EGFR: variants seen among roughly 807,000 people sequenced by gnomAD.
EGFR encodes epidermal growth factor receptor, also known as avian erythroblastic leukemia viral (v-erb-b) oncogene homolog.
A neutral mutation model predicts 143.0 loss-of-function variants in EGFR; 58 were observed. That is an observed-to-expected ratio of 0.41 (90% CI 0.33 to 0.50). The LOEUF (loss-of-function observed/expected upper bound fraction) is 0.50, where lower values mean the gene tolerates loss of function less well. Ranked by LOEUF, EGFR falls within the 20% of genes least tolerant of loss-of-function variation. EGFR has a pLI of 0.39. For missense variants in EGFR, 1,307 were observed against 1,579.0 expected, an observed-to-expected ratio of 0.83 and a Z score of 2.92; for synonymous variants, 613 against 594.4, an observed-to-expected ratio of 1.03 and a Z score of -0.45.
chr7:55,139,059 T>C (rs1203753187), intron 1 of EGFR, among the ~76,000 whole-genome samples: 1 of 152,226 alleles, frequency 6.6e-6, no homozygotes, highest in African/African-American at 2.4e-5. Context: ...GACCTAATTA[T>C]AATACCTCTT....
chr7:55,056,035 C>T (rs1233093600), intron 1 of EGFR, among the ~76,000 whole-genome samples: 1 of 152,032 alleles, frequency 6.6e-6, no homozygotes, highest in Non-Finnish European at 1.5e-5. Flanking sequence ...GTGATTCATT[C>T]GTTCCACAAC....
chr7:55,036,272 G>GT (rs1491495146), intron 1 of EGFR, among the ~76,000 whole-genome samples: 5,164 of 18,392 alleles, frequency 0.28, 433 homozygotes, highest in Middle Eastern at 0.43. Context: ...GTGTGTGTGT[G>GT]GGGGGGGGGG....
chr7:55,061,647 T>TGAGAGAGA (rs760516597), intron 1 of EGFR, among the ~76,000 whole-genome samples: 19 of 99,610 alleles, frequency 1.9e-4, no homozygotes, highest in Non-Finnish European at 3.8e-4. Flanking sequence ...TGTGTGTGTG[T>TGAGAGAGA]GTGAGAGAGA....
At chr7:55,196,168 A>C (rs1204641220) in intron 22 of EGFR, among the ~76,000 whole-genome samples, 7 of 23,086 alleles carry the variant, frequency 3.0e-4, no homozygotes, top group African/African-American at 4.2e-4. Context: ...CCTCACCAGC[A>C]TGTGTTGGGA....
At chr7:55,023,909 A>T (rs2128857621) in intron 1 of EGFR, among the ~76,000 whole-genome samples, 1 of 152,246 alleles carries the variant, frequency 6.6e-6, no homozygotes, top group East Asian at 1.9e-4. Flanking sequence ...TGAATTTTCT[A>T]AGAAAATTCC....
In EGFR at chr7:55,142,322, G is replaced by T. The variant is rs2128926187; in HGVS notation, c.125G>T (p.Gly42Val). ...ACGAGTAACAAGCTCACGCAGTTGG[G>T]CACTTTTGAAGATCATTTTCTCAGC... is the stretch of plus-strand genomic sequence containing the variant. ...QGTSNKLTQL[G>V]TFEDHFLSLQ... The change falls in exon 2 of 28, where the codon GGC (glycine) becomes GTC (valine). Residue 42 changes from glycine to valine, a missense_variant. Around this residue, in one of 7 missense-constraint regions of EGFR, gnomAD observed 311 missense variants for 412.3 expected, o/e 0.75. Transcript: ENST00000275493. 1 of 1,614,174 alleles carries T rather than the reference G, an allele frequency of 6.2e-7. No individual in the cohort carries two copies.
chr7:55,205,735 G>A lies in EGFR; in HGVS notation c.*118G>A, dbSNP rs562537911. 9 of 1,518,282 alleles carry A rather than the reference G, an allele frequency of 5.9e-6. No homozygotes were observed. The highest frequency in any genetic ancestry group is 1.4e-5 in the African/African-American group (1 of 72,920). 94.1% of individuals were successfully genotyped at this position (1,518,282 alleles called of 1,614,324 possible). The stretch of plus-strand genomic sequence containing the variant: ...CATTAGCTCTTAGACCCACAGACTG[G>A]TTTTGCAACGTTTACACCGACTAGC... On this transcript the variant is annotated 3_prime_UTR_variant, in exon 28 of 28. Transcript: ENST00000275493.
intron 22 of EGFR, among the ~76,000 whole-genome samples, chr7:55,196,114 T>C (rs1165831831): frequency 6.6e-6 from 1 of 150,914 alleles, no homozygotes; most frequent in African/African-American, 2.4e-5. Context: ...TGAACTAATT[T>C]ACATTCCCAC....
intron 1 of EGFR, among the ~76,000 whole-genome samples, chr7:55,031,016 T>C (rs1787213621): frequency 6.6e-6 from 1 of 152,256 alleles, no homozygotes; most frequent in Non-Finnish European, 1.5e-5. Flanking sequence ...AAGAAACTGT[T>C]TTGTTATTGT....
intron 1 of EGFR, among the ~76,000 whole-genome samples, chr7:55,102,466 A>G (rs61665840): frequency 0.057 from 8,706 of 152,258 alleles, 844 homozygotes; most frequent in African/African-American, 0.2. Flanking sequence ...TGCTCTTTGC[A>G]TATTGTTCAC....
rs1190991978 is a variant in EGFR at position 55,153,923 on chromosome 7, C to A, written c.748-88C>A. ...AAAGACAGTAACTTGGGCTTTCTGA[C>A]GGGAGTCAACACCGTGCTGCGCTTC... is the stretch of plus-strand genomic sequence containing the variant. On this transcript the variant is annotated intron_variant, in intron 6 of 27. Coordinates refer to ENST00000275493, the MANE Select transcript of EGFR (RefSeq NM_005228.5). 3 of 1,589,576 alleles carry A rather than the reference C, an allele frequency of 1.9e-6. No individual in the cohort carries two copies. In the South Asian group the frequency reaches 3.3e-5, roughly 18 times the overall value.
In EGFR at chr7:55,204,874, CA is replaced by C. The variant is rs1788046785; in HGVS notation, c.3272-379del. Among the ~76,000 whole-genome samples, 5 of 147,682 alleles carry C rather than the reference CA, an allele frequency of 3.4e-5. No homozygotes were observed. In the Admixed American group the frequency reaches 3.4e-4, roughly 10 times the overall value. Reference sequence around the variant, plus strand: ...CACATGCACACACCACACACACATACAAATATACACCACACACACATACACC... The same window carrying C: ...CACATGCACACACCACACACACATACAATATACACCACACACACATACACC... On this transcript the variant is annotated intron_variant, in intron 27 of 27. Coordinates refer to ENST00000275493, the MANE Select transcript of EGFR (RefSeq NM_005228.5).
chr7:55,170,171 C>T, intron 15 of EGFR: 1 of 1,507,982 alleles, frequency 6.6e-7, no homozygotes, highest in Non-Finnish European at 9.0e-7. Context: ...ACCCAGACCC[C>T]CAAATTAAGA....
chr7:55,025,115 C>T (rs1479184288), intron 1 of EGFR, among the ~76,000 whole-genome samples: 2 of 152,186 alleles, frequency 1.3e-5, no homozygotes, highest in Non-Finnish European at 2.9e-5. Context: ...TCACAGAGAG[C>T]TCCATCCTCA....
chr7:55,130,952 C>T (rs192109225), intron 1 of EGFR, among the ~76,000 whole-genome samples: 94 of 152,330 alleles, frequency 6.2e-4, no homozygotes, highest in African/African-American at 2.0e-3. Context: ...GAGGGCAGGC[C>T]GGCAACCTCT....
chr7:55,150,395 C>T lies in EGFR; in HGVS notation c.560-899C>T, dbSNP rs1290572812. Among the ~76,000 whole-genome samples the T allele has an allele frequency of 3.3e-5, 5 of 152,184 alleles. 1 individual carries two copies. The highest frequency in any genetic ancestry group is 1.2e-4 in the African/African-American group (5 of 41,452). On this transcript the variant is annotated intron_variant, in intron 4 of 27. Transcript: ENST00000275493. ...CCTTCATGTCTCTAAGGAGCACCAGCGCGGCAATTAGCGCCCTTTGCCTTG... is the reference window on the plus strand; with the variant it reads ...CCTTCATGTCTCTAAGGAGCACCAGTGCGGCAATTAGCGCCCTTTGCCTTG...
rs2128946150 is a variant in EGFR at position 55,165,310 on chromosome 7, T to C, written c.1753T>C (p.Tyr585His). The C allele has an allele frequency of 6.2e-7, 1 of 1,614,170 alleles. No individual in the cohort carries two copies. The highest frequency in any genetic ancestry group is 8.5e-7 in the Non-Finnish European group (1 of 1,180,040). ...AGACAACTGTATCCAGTGTGCCCAC[T>C]ACATTGACGGCCCCCACTGCGTCAA... ...GPDNCIQCAHYIDGPHCVKTC... is the reference protein window; with the variant it reads ...GPDNCIQCAHHIDGPHCVKTC... Residue 585 changes from tyrosine (Y) to histidine (H), a missense_variant, in exon 15 of 28, where the codon TAC (tyrosine) becomes CAC (histidine). Tyr to His is a moderately conservative substitution (Grantham distance 83, BLOSUM62 2). This residue lies in a region of EGFR where 250 missense variants were observed against 295.1 expected (regional missense o/e 0.85). Transcript: ENST00000275493.
intron 1 of EGFR, among the ~76,000 whole-genome samples, chr7:55,084,781 G>C (rs552565843): frequency 2.0e-5 from 3 of 152,174 alleles, no homozygotes; most frequent in Non-Finnish European, 4.4e-5. Flanking sequence ...AATATTTAAA[G>C]GGCTTTTATT....
intron 1 of EGFR, among the ~76,000 whole-genome samples, chr7:55,139,894 T>A (rs531098370): frequency 6.6e-6 from 1 of 152,220 alleles, no homozygotes; most frequent in South Asian, 2.1e-4. Flanking sequence ...GTTGTTACTG[T>A]CTCCCAAATA....
Sources: allele counts gnomAD v4.1 joint callset (sites outside exome capture counted in the v4.1 genomes callset), GRCh38; gene constraint gnomAD v4.1.1; regional missense constraint gnomAD v4.1.1; transcripts MANE v1.5; gene names NCBI Gene and HGNC (gene_info 2026-07-23, HGNC 2026-07-21).